The following PIEZO2 variants were observed in gnomAD, a reference collection of about 807,000 sequenced individuals.
PIEZO2 encodes piezo type mechanosensitive ion channel component 2.
A neutral mutation model predicts 337.3 loss-of-function variants in PIEZO2; 172 were observed. The observed-to-expected ratio is 0.51, with a 90% CI of 0.45 to 0.58. The LOEUF is 0.58. Ranked by LOEUF, PIEZO2 falls within the 20% of genes least tolerant of loss-of-function variation. PIEZO2 has a pLI of 0.00. For missense variants in PIEZO2, 3,028 were observed against 3,391.3 expected (o/e 0.89, Z 2.66); for synonymous variants, 1,251 against 1,228.5 (o/e 1.02, Z -0.38).
chr18:11,134,189 C>T lies in PIEZO2; in HGVS notation c.64+14336G>A, dbSNP rs371640866. On this transcript the variant is annotated intron_variant, in intron 1 of 55. Coordinates refer to ENST00000674853, the MANE Select transcript of PIEZO2 (RefSeq NM_001378183.1). Reference sequence around the variant, plus strand: ...GGCCACTGGCCGTCCAGTCATGAGGCGGTGGCGAGGATGCAGGATGCTGTG... The same window carrying T: ...GGCCACTGGCCGTCCAGTCATGAGGTGGTGGCGAGGATGCAGGATGCTGTG... 1.7e-4 allele frequency among the ~76,000 whole-genome samples: 26 copies of T among 152,282 alleles called. No individual in the cohort carries two copies. The East Asian group carries it at 3.9e-3, about 23-fold the overall frequency.
rs1174688291 is a variant in PIEZO2, at chr18:10,731,175, GATTATAT to G, written c.5029+225_5029+231del. Among the ~76,000 whole-genome samples the G allele has an allele frequency of 0.15, 17,445 of 116,850 alleles. 1,975 individuals carry two copies. The highest frequency in any genetic ancestry group is 0.21 in the Non-Finnish European group (11,765 of 55,714). The allele number at this position is 116,850 out of a possible 152,430, so 76.7% of individuals were successfully genotyped here. ...AACTCTCCTTTTTTCCTACTTAAAA[GATTATAT>G]ATATATATATATATATATATATATA... On this transcript the variant is annotated intron_variant, in intron 36 of 55. Transcript: ENST00000674853.
At chr18:10,939,378 A>T (rs2032593983) in intron 3 of PIEZO2, among the ~76,000 whole-genome samples, 1 of 145,390 alleles carries the variant, frequency 6.9e-6, no homozygotes, top group Admixed American at 6.8e-5. Context: ...AAGGATCTAG[A>T]ACCAGAAATA....
chr18:11,030,019 C>T (rs1363085920), intron 2 of PIEZO2, among the ~76,000 whole-genome samples: 1 of 152,204 alleles, frequency 6.6e-6, no homozygotes, highest in Non-Finnish European at 1.5e-5. Context: ...GTAACTTTTA[C>T]TCCCTTTAAG....
intron 1 of PIEZO2, among the ~76,000 whole-genome samples, chr18:11,141,822 A>G (rs1323393115): frequency 6.6e-6 from 1 of 152,212 alleles, no homozygotes; most frequent in Non-Finnish European, 1.5e-5. Context: ...TTTGGGTTGC[A>G]GAATGAAATC....
rs572898024 is a variant in PIEZO2 at position 11,046,503 on chromosome 18, C to A, written c.160+19624G>T. ...ACTGGTGATAAATAAGTAATCAATC[C>A]TCACCTACTACACAGTCAGCTAACA... On this transcript the variant is annotated intron_variant, in intron 2 of 55. Coordinates refer to ENST00000674853, the MANE Select transcript of PIEZO2 (RefSeq NM_001378183.1). Among the ~76,000 whole-genome samples the A allele has an allele frequency of 2.6e-5, 4 of 152,340 alleles. No homozygotes were observed. The South Asian group carries it at 8.3e-4, about 32-fold the overall frequency.
intron 4 of PIEZO2, chr18:10,908,470 G>A (rs1276121090): frequency 6.6e-6 from 1 of 152,112 alleles, no homozygotes; most frequent in African/African-American, 2.4e-5. Flanking sequence ...GATATAATTG[G>A]AATTTCCCTT....
intron 36 of PIEZO2, among the ~76,000 whole-genome samples, chr18:10,720,400 TG>T (rs2036238676): frequency 2.9e-4 from 1 of 3,462 alleles, no homozygotes. Flanking sequence ...TGTGTGTGTG[TG>T]TGTATGTGTA....
intron 1 of PIEZO2, among the ~76,000 whole-genome samples, chr18:11,076,404 T>G (rs899252833): frequency 2.6e-5 from 4 of 152,228 alleles, no homozygotes; most frequent in African/African-American, 9.6e-5. Context: ...CCTAAAATTT[T>G]GAAACCAATC....
At position 10,819,049 on chromosome 18, in the gene PIEZO2, G is replaced by T. The variant is rs755004568; in HGVS notation, c.918-11775C>A. Among the ~76,000 whole-genome samples the T allele has an allele frequency of 6.6e-6, 1 of 151,976 alleles. No individual in the cohort carries two copies. Among genetic ancestry groups the T allele is most frequent in the Admixed American group, 6.6e-5 (1 of 15,254 alleles). On this transcript the variant is annotated intron_variant, in intron 7 of 55. Transcript: ENST00000674853. The surrounding 1 kb of genome is among the most constrained non-coding windows in gnomAD (Gnocchi z 4.3). ...ACTTTAAACAGTAAATATACACATCGTCCCCCACCAAAATAATATGGAAAT... is the reference window on the plus strand; with the variant it reads ...ACTTTAAACAGTAAATATACACATCTTCCCCCACCAAAATAATATGGAAAT...
rs2041149102 is a variant in PIEZO2, at chr18:10,840,216, GA to G, written c.917+15136del. Among the ~76,000 whole-genome samples the G allele has an allele frequency of 2.0e-5, 3 of 152,208 alleles. No individual in the cohort carries two copies. The South Asian group carries it at 6.2e-4, about 32-fold the overall frequency. ...AGAGAAAGTCAAATACTAACTTTAT[GA>G]AAAAATAAATGCATGTTATTAATTT... On this transcript the variant is annotated intron_variant, in intron 7 of 55. Transcript: ENST00000674853.
chr18:10,991,270 G>A (rs1027731509), intron 2 of PIEZO2, among the ~76,000 whole-genome samples: 7 of 150,412 alleles, frequency 4.7e-5, no homozygotes, highest in African/African-American at 1.2e-4. Context: ...TGGGGTACAT[G>A]TACAGAATGT....
chr18:11,103,502 G>T (rs1305449575), intron 1 of PIEZO2, among the ~76,000 whole-genome samples: 1 of 152,120 alleles, frequency 6.6e-6, no homozygotes, highest in Admixed American at 6.5e-5. Context: ...AAAGAACATT[G>T]CTCTGTGTGA....
chr18:10,940,246 G>A lies in PIEZO2; in HGVS notation c.287-29018C>T, dbSNP rs1418750891. Reference sequence around the variant, plus strand: ...ATATTCAAGATGCGTGAATTAGTGAGTACCTCATAAAGCCCTGGCATGAAT... The same window carrying A: ...ATATTCAAGATGCGTGAATTAGTGAATACCTCATAAAGCCCTGGCATGAAT... On this transcript the variant is annotated intron_variant, in intron 3 of 55. Transcript: ENST00000674853. The surrounding 1 kb of genome is among the most constrained non-coding windows in gnomAD (Gnocchi z 5.3). Among the ~76,000 whole-genome samples the A allele has an allele frequency of 1.3e-5, 2 of 152,202 alleles. No individual in the cohort carries two copies. The highest frequency in any genetic ancestry group is 4.8e-5 in the African/African-American group (2 of 41,442).
Position 10,696,251 on chromosome 18 carries a change from G to A in PIEZO2, c.7013C>T (p.Ser2338Leu), listed in dbSNP as rs745536039. ...AAACGGCCCCGGGACCTGGTCCTCT[G>A]ACAGTGAAGAGGTGATGTCTGCAGC... ...SAAADITSSL[S>L]EDQVPGPFLV... The change falls in exon 47 of 56, where the codon TCA (serine) becomes TTA (leucine). Residue 2338 changes from serine (S) to leucine (L), a missense_variant. Around this residue, in one of 5 missense-constraint regions of PIEZO2, gnomAD observed 179 missense variants for 281.8 expected, o/e 0.64. Transcript: ENST00000674853. 2 of 1,614,088 alleles carry A rather than the reference G, an allele frequency of 1.2e-6. No individual in the cohort carries two copies. The highest frequency in any genetic ancestry group is 2.7e-5 in the African/African-American group (2 of 74,936).
At chr18:10,997,886 T>C (rs1322558480) in intron 2 of PIEZO2, among the ~76,000 whole-genome samples, 1 of 152,130 alleles carries the variant, frequency 6.6e-6, no homozygotes, top group African/African-American at 2.4e-5. Flanking sequence ...TTCCAGAAAT[T>C]TGGTGAAGAC....
chr18:10,840,948 G>A (rs76426694), intron 7 of PIEZO2, among the ~76,000 whole-genome samples: 5,003 of 152,246 alleles, frequency 0.033, 321 homozygotes, highest in East Asian at 0.28. Context: ...TTAGATGTGG[G>A]ATATGAGGAG....
chr18:10,843,467 C>T (rs2041256204), intron 7 of PIEZO2, among the ~76,000 whole-genome samples: 1 of 152,112 alleles, frequency 6.6e-6, no homozygotes, highest in South Asian at 2.1e-4. Context: ...TTTACCACCA[C>T]TAATTTGCTA....
At position 11,092,415 on chromosome 18, in the gene PIEZO2, T is replaced by C. The variant is rs1437357638; in HGVS notation, c.65-26193A>G. On this transcript the variant is annotated intron_variant, in intron 1 of 55. Coordinates refer to ENST00000674853, the MANE Select transcript of PIEZO2 (RefSeq NM_001378183.1). This position sits in a 1 kb window ranked among gnomAD's most constrained non-coding sequence, Gnocchi z 4.5. The stretch of plus-strand genomic sequence containing the variant: ...TTAAGATATGTGAAATGATATCTCA[T>C]ATTTGTTTGAAAAAAGCTATAGTAA... Among the ~76,000 whole-genome samples, 1 of 152,238 alleles carries C rather than the reference T, an allele frequency of 6.6e-6. No homozygotes were observed. The highest frequency in any genetic ancestry group is 1.5e-5 in the Non-Finnish European group (1 of 68,044).
chr18:10,900,104 G>A (rs2043005932), intron 4 of PIEZO2, among the ~76,000 whole-genome samples: 4 of 151,748 alleles, frequency 2.6e-5, no homozygotes, highest in Admixed American at 2.6e-4. Flanking sequence ...GGAAGGTAAA[G>A]CTAATTAGTT....
Sources: allele counts gnomAD v4.1 joint callset (sites outside exome capture counted in the v4.1 genomes callset), GRCh38; gene constraint gnomAD v4.1.1; regional missense constraint gnomAD v4.1.1; non-coding constraint Gnocchi (gnomAD v3.1); transcripts MANE v1.5; gene names NCBI Gene and HGNC (gene_info 2026-07-23, HGNC 2026-07-21).